The following BTBD8 variants were observed in gnomAD, a reference collection of about 807,000 sequenced individuals.
BTBD8 encodes BTB domain containing 8, also known as BTB/POZ domain-containing protein 8.
Under a neutral mutation model 162.9 loss-of-function variants are expected in BTBD8, and 110 were observed. That is an observed-to-expected ratio of 0.68 (90% CI 0.58 to 0.79). BTBD8 has a LOEUF of 0.79. BTBD8 is among the 30% of genes least tolerant of loss of function. The pLI is 0.00. For synonymous variants in BTBD8, 667 were observed against 716.1 expected (o/e 0.93, Z 1.10); for missense variants, 1,905 against 2,085.4 (o/e 0.91, Z 1.68).
intron 9 of BTBD8, among the ~76,000 whole-genome samples, chr1:92,165,340 A>T (rs910900341): frequency 6.6e-6 from 1 of 152,188 alleles, no homozygotes; most frequent in African/African-American, 2.4e-5. Context: ...CTCATTGAAC[A>T]TACAGCCCAG....
Position 92,184,242 on chromosome 1 carries a change from C to T in BTBD8, c.5291C>T (p.Ser1764Leu). Residue 1764 changes from serine (S) to leucine (L), a missense_variant, in exon 18 of 18, where the codon TCA (serine) becomes TTA (leucine). By Grantham distance (145) the Ser-to-Leu change is moderately radical. Transcript: ENST00000636805. ...WSELTSPLDS[S>L]ASITMASFSS... ...GAACTAACATCTCCACTTGATTCCT[C>T]AGCGAGCATCACCATGGCTAGTTTT... The T allele has an allele frequency of 6.4e-7, 1 of 1,551,604 alleles. No individual in the cohort carries two copies. The highest frequency in any genetic ancestry group is 8.7e-7 in the Non-Finnish European group (1 of 1,146,840).
chr1:92,130,126 G>A (rs879328316), intron 5 of BTBD8, among the ~76,000 whole-genome samples: 5 of 152,174 alleles, frequency 3.3e-5, no homozygotes, highest in Non-Finnish European at 5.9e-5. Flanking sequence ...CCTTCTTGCT[G>A]TACACTCATG....
chr1:92,080,804 C>A, intron 1 of BTBD8, 84 bp downstream of exon 1: 1 of 1,524,470 alleles, frequency 6.6e-7, no homozygotes, highest in Non-Finnish European at 8.8e-7. Context: ...TCGGCTCTGC[C>A]TCCCCCTCCC....
chr1:92,181,143 A>G lies in BTBD8; in HGVS notation c.3460A>G (p.Asn1154Asp). 6.4e-7 allele frequency: 1 copy of G among 1,551,616 alleles called. No individual in the cohort carries two copies. Among genetic ancestry groups the G allele is most frequent in the Non-Finnish European group, 8.7e-7 (1 of 1,146,966 alleles). The change falls in exon 17 of 18, where the codon AAT becomes GAT. Residue 1154 changes from asparagine (N) to aspartate (D), a missense_variant. Coordinates refer to ENST00000636805, the MANE Select transcript of BTBD8 (RefSeq NM_001376131.1). ...TTCACTGTGTAATCCTGAAAGGACA[A>G]ATGGTACCTTAAATTCTGCTCAAGA... The part of the protein sequence containing the change: ...DVSLCNPERT[N>D]GTLNSAQEDK...
In BTBD8 at chr1:92,176,964, T is replaced by C; in HGVS notation, c.1771T>C (p.Ser591Pro). 1.3e-6 allele frequency: 2 copies of C among 1,547,506 alleles called. No homozygotes were observed. The highest frequency in any genetic ancestry group is 8.7e-7 in the Non-Finnish European group (1 of 1,144,980). The change falls in exon 14 of 18, where the codon TCA becomes CCA. Residue 591 changes from serine to proline, a missense_variant. Around this residue, in one of 3 missense-constraint regions of BTBD8, gnomAD observed 1,374 missense variants for 1,442.7 expected, o/e 0.95. Coordinates refer to ENST00000636805, the MANE Select transcript of BTBD8 (RefSeq NM_001376131.1). ...SDGLGASGHSSSTNRNSINKT... is the reference protein window; with the variant it reads ...SDGLGASGHSPSTNRNSINKT... ...TGGATTAGGAGCATCTGGACATTCGTCAAGTACCAATAGAAATAGTATAAA... is the reference window on the plus strand; with the variant it reads ...TGGATTAGGAGCATCTGGACATTCGCCAAGTACCAATAGAAATAGTATAAA...
At chr1:92,177,584 A>G in intron 14 of BTBD8, 38 bp downstream of exon 14, 1 of 1,356,956 alleles carries the variant, frequency 7.4e-7, no homozygotes, top group East Asian at 2.5e-5. Context: ...ATCTCCTGAC[A>G]GTTAAATTTC....
At chr1:92,087,191 T>C (rs1234694162) in intron 1 of BTBD8, among the ~76,000 whole-genome samples, 1 of 150,208 alleles carries the variant, frequency 6.7e-6, no homozygotes, top group African/African-American at 2.4e-5. Context: ...TTATACACAC[T>C]TTTTTTTTTC....
At chr1:92,167,725 GA>G in intron 10 of BTBD8, 122 bp from the exon 11 acceptor site, 1 of 735,550 alleles carries the variant, frequency 1.4e-6, no homozygotes. Context: ...TTAACAAAGG[GA>G]AAAAATACGA....
chr1:92,139,932 C>CAAAAAAAAAAAAAAAAAAAAAAAAAAA (rs748883480), intron 6 of BTBD8: 2 of 18,216 alleles, frequency 1.1e-4, no homozygotes, highest in Admixed American at 1.1e-3. Flanking sequence ...ACTAAAAATA[C>CAAAAAAAAAAAAAAAAAAAAAAAAAAA]AAAAAAAAAA....
At chr1:92,125,665 T>G (rs1036458010) in intron 4 of BTBD8, 1 of 337,136 alleles carries the variant, frequency 3.0e-6, no homozygotes, top group Middle Eastern at 1.1e-3. Context: ...ACCAAAAGAT[T>G]ATAAGATTAT....
At chr1:92,168,518 C>T (rs1650445917) in intron 11 of BTBD8, among the ~76,000 whole-genome samples, 1 of 151,904 alleles carries the variant, frequency 6.6e-6, no homozygotes, top group Non-Finnish European at 1.5e-5. Flanking sequence ...TGTATTTGTT[C>T]GACAAGAATG....
chr1:92,131,324 A>G lies in BTBD8; in HGVS notation c.752+1548A>G, dbSNP rs115427070. On this transcript the variant is annotated intron_variant, in intron 5 of 17. Transcript: ENST00000636805. ...AACATGAAAATACATGGCGTGGGCA[A>G]TACATAGCAAAGATATGTAACAACA... is the stretch of plus-strand genomic sequence containing the variant. Among the ~76,000 whole-genome samples the G allele has an allele frequency of 3.2e-3, 494 of 152,376 alleles. 3 individuals carry two copies. Among genetic ancestry groups the G allele is most frequent in the African/African-American group, 0.011 (476 of 41,590 alleles).
intron 1 of BTBD8, among the ~76,000 whole-genome samples, chr1:92,086,327 G>A (rs1374830393): frequency 6.6e-6 from 1 of 152,136 alleles, no homozygotes; most frequent in East Asian, 1.9e-4. Context: ...TTAGACCCTG[G>A]ACCGCAGACA....
chr1:92,127,116 C>A (rs1649379885), intron 4 of BTBD8, among the ~76,000 whole-genome samples: 1 of 152,060 alleles, frequency 6.6e-6, no homozygotes, highest in Non-Finnish European at 1.5e-5. Flanking sequence ...TAACGTTTTC[C>A]CTCCAGTTCT....
chr1:92,123,447 G>C (rs896406695), intron 4 of BTBD8, among the ~76,000 whole-genome samples: 3 of 152,114 alleles, frequency 2.0e-5, no homozygotes, highest in Admixed American at 2.0e-4. Flanking sequence ...CATATTAACA[G>C]TTTCAAGTTT....
At chr1:92,110,633 C>G (rs1411182329) in intron 4 of BTBD8, among the ~76,000 whole-genome samples, 1 of 152,152 alleles carries the variant, frequency 6.6e-6, no homozygotes, top group African/African-American at 2.4e-5. Flanking sequence ...AGCTCCGCCT[C>G]CCGGGTTCAC....
Position 92,180,261 on chromosome 1 carries a change from T to C in BTBD8, c.2582-4T>C. 2.0e-6 allele frequency: 3 copies of C among 1,523,254 alleles called. No homozygotes were observed. The East Asian group carries it at 7.4e-5, about 37-fold the overall frequency. The allele number at this position is 1,523,254 out of a possible 1,614,324, so 94.4% of individuals were successfully genotyped here. ...TACTGAATATACCCTCTTACTTTTC[T>C]TAGGATCCCAAGGAGAGTCACCAAA... On this transcript the variant is annotated splice_polypyrimidine_tract_variant and splice_region_variant and intron_variant, in intron 16 of 17. Coordinates refer to ENST00000636805, the MANE Select transcript of BTBD8 (RefSeq NM_001376131.1).
At chr1:92,183,739 A>G (rs1474294901) in intron 17 of BTBD8, 125 bp from the exon 18 acceptor site, 1 of 545,590 alleles carries the variant, frequency 1.8e-6, no homozygotes, top group Non-Finnish European at 2.9e-6. Flanking sequence ...TATAGAAGTT[A>G]TTTTTCCCAT....
At chr1:92,119,286 TC>T (rs367785304) in intron 4 of BTBD8, among the ~76,000 whole-genome samples, 1 of 149,798 alleles carries the variant, frequency 6.7e-6, no homozygotes, top group Non-Finnish European at 1.5e-5. Flanking sequence ...TTTCTTTTTT[TC>T]TTTTTTTTTT....
Sources: allele counts gnomAD v4.1 joint callset (sites outside exome capture counted in the v4.1 genomes callset), GRCh38; gene constraint gnomAD v4.1.1; regional missense constraint gnomAD v4.1.1; transcripts MANE v1.5; gene names NCBI Gene and HGNC (gene_info 2026-07-23, HGNC 2026-07-21).